NTM: variants seen among roughly 807,000 people sequenced by gnomAD.
NTM encodes the protein neurotrimin, also known as IgLON family member 2.
In NTM, 13 loss-of-function variants were observed where a neutral mutation model predicts 42.1. The observed-to-expected ratio is 0.31, with a 90% CI of 0.20 to 0.49. The LOEUF (loss-of-function observed/expected upper bound fraction) is 0.49. Among genes scored for constraint, NTM ranks in the 20% least tolerant of loss-of-function variants. The probability of loss-of-function intolerance (pLI) is 0.99; values close to 1 mark genes in which losing one functional copy is unlikely to be tolerated. For missense variants in NTM, 373 were observed against 452.8 expected, an observed-to-expected ratio of 0.82 and a Z score of 1.60; for synonymous variants, 187 against 179.2, an observed-to-expected ratio of 1.04 and a Z score of -0.35.
In NTM at chr11:132,196,795, A is replaced by T. The variant is rs188170769; in HGVS notation, c.401-15227A>T. 2.0e-3 allele frequency among the ~76,000 whole-genome samples: 297 copies of T among 152,252 alleles called. 1 individual carries two copies. The highest frequency in any genetic ancestry group is 3.2e-3 in the Non-Finnish European group (218 of 68,008). ...TTGAGAGGGGGAGGATGGGAGAAAG[A>T]TATGGGGTGAAAAACTACCTATTGG... On this transcript the variant is annotated intron_variant, in intron 3 of 8. Transcript: ENST00000683400.
At chr11:131,878,352 C>T (rs940896284) in intron 1 of NTM, among the ~76,000 whole-genome samples, 12 of 151,750 alleles carry the variant, frequency 7.9e-5, no homozygotes, top group African/African-American at 2.7e-4. Flanking sequence ...AGATGGATCA[C>T]CTGAGGTCAG....
intron 2 of NTM, among the ~76,000 whole-genome samples, chr11:131,920,676 GA>G (rs1349028139): frequency 2.0e-5 from 3 of 152,128 alleles, no homozygotes; most frequent in African/African-American, 7.2e-5. Flanking sequence ...TTTTGGCTTA[GA>G]AAGCTTTTGG....
At chr11:131,400,985 A>T (rs1220189798) in intron 1 of NTM, among the ~76,000 whole-genome samples, 1 of 5,844 alleles carries the variant, frequency 1.7e-4, no homozygotes, top group Non-Finnish European at 8.0e-4. Flanking sequence ...CCTGCCACAC[A>T]CACACACACA....
rs2069674556 is a variant in NTM at position 132,002,957 on chromosome 11, C to G, written c.167+91309C>G. ...TTAAAAAAGAGGAAACAGGAAAAAC[C>G]TTTGTCTTCAAGAAGCTTTTACTGT... On this transcript the variant is annotated intron_variant, in intron 2 of 8. Coordinates refer to ENST00000683400, the MANE Select transcript of NTM (RefSeq NM_001352005.2). The surrounding 1 kb of genome is among the most constrained non-coding windows in gnomAD (Gnocchi z 4.5). Among the ~76,000 whole-genome samples, 1 of 151,326 alleles carries G rather than the reference C, an allele frequency of 6.6e-6. No homozygotes were observed. Among genetic ancestry groups the G allele is most frequent in the Non-Finnish European group, 1.5e-5 (1 of 68,018 alleles).
At chr11:131,990,473 T>A (rs2066825019) in intron 2 of NTM, among the ~76,000 whole-genome samples, 1 of 151,998 alleles carries the variant, frequency 6.6e-6, no homozygotes, top group Admixed American at 6.6e-5. Context: ...GCATTAAGAT[T>A]CTCATTTTAG....
intron 1 of NTM, among the ~76,000 whole-genome samples, chr11:131,601,191 T>C (rs1265814987): frequency 6.6e-6 from 1 of 152,160 alleles, no homozygotes; most frequent in Non-Finnish European, 1.5e-5. Context: ...GACAGCTCTG[T>C]GGTCTGATGG....
intron 1 of NTM, among the ~76,000 whole-genome samples, chr11:131,469,007 G>A (rs998756742): frequency 1.3e-5 from 2 of 152,254 alleles, no homozygotes; most frequent in Non-Finnish European, 2.9e-5. Context: ...GAAAGCGTTG[G>A]TTGTTCTTAC....
chr11:131,374,543 C>CAT (rs1351049697), intron 1 of NTM, among the ~76,000 whole-genome samples: 2 of 152,142 alleles, frequency 1.3e-5, no homozygotes, highest in Non-Finnish European at 2.9e-5. Context: ...AACCTCCTTC[C>CAT]ATAGCGCTGG....
intron 2 of NTM, among the ~76,000 whole-genome samples, chr11:131,915,356 C>T (rs1471566625): frequency 3.3e-5 from 5 of 152,204 alleles, no homozygotes; most frequent in African/African-American, 1.2e-4. Context: ...CCAGTGTTAT[C>T]TCTCTGTCTT....
chr11:131,406,574 C>A (rs1181822882), intron 1 of NTM, among the ~76,000 whole-genome samples: 1 of 152,142 alleles, frequency 6.6e-6, no homozygotes, highest in East Asian at 1.9e-4. Context: ...CTTATACATC[C>A]TATATATAAC....
chr11:131,619,571 A>G (rs2062309239), intron 1 of NTM, among the ~76,000 whole-genome samples: 3 of 152,200 alleles, frequency 2.0e-5, no homozygotes, highest in Admixed American at 2.0e-4. Flanking sequence ...TTATCAGACT[A>G]AAATGGTGGG....
intron 1 of NTM, among the ~76,000 whole-genome samples, chr11:131,501,868 T>C (rs1342902441): frequency 1.4e-5 from 2 of 146,506 alleles, no homozygotes; most frequent in Non-Finnish European, 3.0e-5. Flanking sequence ...AAGGTATGTA[T>C]GTGTGTGTGA....
chr11:131,851,819 C>A (rs2045590688), intron 1 of NTM, among the ~76,000 whole-genome samples: 1 of 151,928 alleles, frequency 6.6e-6, no homozygotes, highest in Non-Finnish European at 1.5e-5. Flanking sequence ...TTATCTAACA[C>A]TTTAGTAAAA....
At chr11:132,069,311 C>G (rs1348248512) in intron 2 of NTM, among the ~76,000 whole-genome samples, 1 of 149,562 alleles carries the variant, frequency 6.7e-6, no homozygotes, top group Non-Finnish European at 1.5e-5. Context: ...TCACACTGAC[C>G]ATCACAGGTT....
At chr11:132,168,156 T>C (rs2075571973) in intron 3 of NTM, among the ~76,000 whole-genome samples, 1 of 152,226 alleles carries the variant, frequency 6.6e-6, no homozygotes, top group African/African-American at 2.4e-5. Flanking sequence ...TTCAAGATAC[T>C]GCTTGTACTA....
chr11:131,832,817 C>T (rs1238320492), intron 1 of NTM, among the ~76,000 whole-genome samples: 1 of 152,148 alleles, frequency 6.6e-6, no homozygotes, highest in East Asian at 1.9e-4. Context: ...TAAACACACA[C>T]AGGATTAAAT....
At chr11:132,085,740 G>GT (rs2059622565) in intron 2 of NTM, among the ~76,000 whole-genome samples, 1 of 152,022 alleles carries the variant, frequency 6.6e-6, no homozygotes. Flanking sequence ...AGAAGATTCA[G>GT]TTGTTACAAG....
intron 1 of NTM, among the ~76,000 whole-genome samples, chr11:131,645,593 A>G (rs996235488): frequency 6.6e-6 from 1 of 152,226 alleles, no homozygotes; most frequent in African/African-American, 2.4e-5. Flanking sequence ...CACCTCTTCT[A>G]TGAAGCCTTC....
At chr11:131,455,127 T>C (rs1950774185) in intron 1 of NTM, among the ~76,000 whole-genome samples, 2 of 152,246 alleles carry the variant, frequency 1.3e-5, no homozygotes, top group African/African-American at 4.8e-5. Context: ...ACTTAAAATC[T>C]GCTTGGCAGC....
Sources: gnomAD v4.1 joint callset for allele counts (sites outside exome capture counted in the v4.1 genomes callset) on GRCh38, gnomAD v4.1.1 for gene constraint, Gnocchi (gnomAD v3.1) non-coding constraint, MANE v1.5 for transcripts, NCBI Gene and HGNC (gene_info 2026-07-23, HGNC 2026-07-21) for gene names.